The following MANBA variants were observed in gnomAD, a reference collection of about 807,000 sequenced individuals.
The protein encoded by MANBA is beta-mannosidase.
A neutral mutation model predicts 111.1 loss-of-function variants in MANBA; 83 were observed. That is an observed-to-expected ratio of 0.75 (90% CI 0.63 to 0.90). The LOEUF (loss-of-function observed/expected upper bound fraction) is 0.90, where lower values mean the gene tolerates loss of function less well. MANBA is among the 40% of genes least tolerant of loss of function. The pLI, the probability that MANBA is intolerant of heterozygous loss-of-function variation, is 0.00. For missense variants in MANBA, 1,036 were observed against 1,069.0 expected (o/e 0.97, Z 0.43); for synonymous variants, 370 against 378.7 (o/e 0.98, Z 0.27).
intron 7 of MANBA, among the ~76,000 whole-genome samples, chr4:102,680,577 A>AG (rs1453272428): frequency 6.7e-6 from 1 of 150,374 alleles, no homozygotes. Flanking sequence ...ATTTGTCCAA[A>AG]GTTCTAAAAA....
chr4:102,748,447 A>C lies in MANBA; in HGVS notation c.177+12271T>G, dbSNP rs186387001. ...ATATAAAACTATATATATATATAGA[A>C]TGCAATCATCTGTGGGGGGAAAATA... On this transcript the variant is annotated intron_variant, in intron 1 of 16. Transcript: ENST00000647097. Among the ~76,000 whole-genome samples the C allele has an allele frequency of 2.8e-3, 424 of 152,194 alleles. 3 individuals carry two copies. Among genetic ancestry groups the C allele is most frequent in the African/African-American group, 9.9e-3 (411 of 41,530 alleles).
rs532395003 is a variant in MANBA at position 102,754,494 on chromosome 4, T to C, written c.177+6224A>G. The stretch of plus-strand genomic sequence containing the variant: ...TAAACATGGTTTATAGAAACCTGTT[T>C]AATGCAGGTAAGAGCATCACAATAC... On this transcript the variant is annotated intron_variant, in intron 1 of 16. Coordinates refer to ENST00000647097, the MANE Select transcript of MANBA (RefSeq NM_005908.4). Among the ~76,000 whole-genome samples the C allele has an allele frequency of 2.6e-5, 4 of 152,318 alleles. No homozygotes were observed. In the South Asian group the frequency reaches 8.3e-4, roughly 32 times the overall value.
At chr4:102,692,083 T>A (rs1732501966) in intron 5 of MANBA, among the ~76,000 whole-genome samples, 1 of 151,930 alleles carries the variant, frequency 6.6e-6, no homozygotes, top group Non-Finnish European at 1.5e-5. Flanking sequence ...CAATGCGGAG[T>A]CATTGAAGAT....
At chr4:102,707,811 G>C (rs1342245601) in intron 5 of MANBA, among the ~76,000 whole-genome samples, 1 of 151,756 alleles carries the variant, frequency 6.6e-6, no homozygotes, top group Non-Finnish European at 1.5e-5. Flanking sequence ...GTAAAGGAAT[G>C]GAAAAATATA....
chr4:102,684,704 G>C (rs555625074), intron 7 of MANBA, among the ~76,000 whole-genome samples: 4 of 152,000 alleles, frequency 2.6e-5, no homozygotes, highest in Non-Finnish European at 4.4e-5. Context: ...AGATAGTACC[G>C]AACCCCATAT....
rs759084735 is a variant in MANBA, at chr4:102,631,923, C to A, written c.*134G>T. The A allele has an allele frequency of 2.2e-5, 17 of 782,942 alleles. No individual in the cohort carries two copies. The highest frequency in any genetic ancestry group is 3.5e-5 in the Non-Finnish European group (16 of 456,742). 48.5% of individuals were successfully genotyped at this position (782,942 alleles called of 1,614,324 possible). ...GTTCAGTGTACAACTCTTCACAGAG[C>A]AATCGCTCAAATGCGTGGCAGCACG... On this transcript the variant is annotated 3_prime_UTR_variant, in exon 17 of 17. Coordinates refer to ENST00000647097, the MANE Select transcript of MANBA (RefSeq NM_005908.4).
chr4:102,738,971 TC>T (rs958434620), intron 1 of MANBA, among the ~76,000 whole-genome samples: 1 of 151,976 alleles, frequency 6.6e-6, no homozygotes, highest in African/African-American at 2.4e-5. Context: ...CTGGAAAGTT[TC>T]AACAATAGAA....
At chr4:102,747,392 G>A (rs1723629187) in intron 1 of MANBA, among the ~76,000 whole-genome samples, 1 of 152,118 alleles carries the variant, frequency 6.6e-6, no homozygotes, top group African/African-American at 2.4e-5. Flanking sequence ...TTTTTATTCT[G>A]GCTTTGCTGG....
chr4:102,664,503 C>A (rs973713729), intron 11 of MANBA, among the ~76,000 whole-genome samples, 182 bp downstream of exon 11: 1 of 152,130 alleles, frequency 6.6e-6, no homozygotes. Flanking sequence ...CGCCCGCCAC[C>A]GCGCCCAGCT....
At chr4:102,720,252 T>C (rs957616709) in intron 4 of MANBA, among the ~76,000 whole-genome samples, 2 of 151,980 alleles carry the variant, frequency 1.3e-5, no homozygotes, top group Admixed American at 6.6e-5. Context: ...CTGGCCAACA[T>C]GGTGAAACCC....
At chr4:102,752,476 A>G (rs1313946051) in intron 1 of MANBA, 7 of 758,718 alleles carry the variant, frequency 9.2e-6, no homozygotes, top group South Asian at 6.7e-5. Context: ...TTTAGATAAC[A>G]TTGTCAAGTT....
chr4:102,690,767 C>T lies in MANBA; in HGVS notation c.678G>A (p.Lys226=). ...NYFTFSPIYD[K]SAQEWNLEIE... ...TTTCCAGATTCCACTCCTGGGCACT[C>T]TTATCTAAAATATAAAAAGAAAAAG... Residue 226 remains lysine (K), a synonymous_variant, in exon 6 of 17, where the codon AAG becomes AAA. Transcript: ENST00000647097. 1 of 1,460,536 alleles carries T rather than the reference C, an allele frequency of 6.8e-7. No homozygotes were observed. Among genetic ancestry groups the T allele is most frequent in the African/African-American group, 1.4e-5 (1 of 71,124 alleles). The allele number at this position is 1,460,536 out of a possible 1,614,324, so 90.5% of individuals were successfully genotyped here.
At chr4:102,694,001 C>T (rs541543963) in intron 5 of MANBA, among the ~76,000 whole-genome samples, 1 of 152,310 alleles carries the variant, frequency 6.6e-6, no homozygotes, top group African/African-American at 2.4e-5. Flanking sequence ...ACGAAGCAGG[C>T]TCCTGTGTTG....
At chr4:102,639,887 G>T in intron 13 of MANBA, 30 bp from the exon 14 acceptor site, 1 of 1,613,000 alleles carries the variant, frequency 6.2e-7, no homozygotes, top group Middle Eastern at 1.7e-4. Flanking sequence ...ATACACAGGT[G>T]TTATTGTTTG....
chr4:102,654,013 C>T (rs1487879132), intron 12 of MANBA, among the ~76,000 whole-genome samples: 1 of 152,200 alleles, frequency 6.6e-6, no homozygotes. Flanking sequence ...ACCCACTCCA[C>T]TTTGCCTGAG....
chr4:102,722,959 T>A lies in MANBA; in HGVS notation c.461A>T (p.Gln154Leu). 6.2e-7 allele frequency: 1 copy of A among 1,614,130 alleles called. No homozygotes were observed. Among genetic ancestry groups the A allele is most frequent in the Non-Finnish European group, 8.5e-7 (1 of 1,179,940 alleles). Residue 154 changes from glutamine to leucine, a missense_variant, in exon 4 of 17, where the codon CAG becomes CTG. By Grantham distance (113) the Gln-to-Leu change is moderately radical. Coordinates refer to ENST00000647097, the MANE Select transcript of MANBA (RefSeq NM_005908.4). ...CTGGTAGCGAGTGTGAGCTTTGCTC[T>A]GCTGTGCTGCATACAACACCGCTGA... is the stretch of plus-strand genomic sequence containing the variant. ...FQSAVLYAAQ[Q>L]SKAHTRYQVP... is the part of the protein sequence containing the mutation.
intron 1 of MANBA, among the ~76,000 whole-genome samples, chr4:102,749,179 T>A (rs530201332): frequency 1.3e-5 from 2 of 152,078 alleles, no homozygotes; most frequent in African/African-American, 4.8e-5. Context: ...TTATTATAAA[T>A]AGGTAAAATA....
intron 8 of MANBA, among the ~76,000 whole-genome samples, chr4:102,672,700 T>C (rs1185616899): frequency 1.3e-5 from 2 of 152,150 alleles, no homozygotes; most frequent in Admixed American, 6.5e-5. Flanking sequence ...TGACCTCCTA[T>C]CAGATCAGCG....
intron 1 of MANBA, among the ~76,000 whole-genome samples, chr4:102,759,091 C>T (rs1328578523): frequency 2.0e-5 from 3 of 151,494 alleles, no homozygotes; most frequent in African/African-American, 7.3e-5. Flanking sequence ...AATAATCTGA[C>T]TTACTGAAGC....
Sources: allele counts gnomAD v4.1 joint callset (sites outside exome capture counted in the v4.1 genomes callset), GRCh38; gene constraint gnomAD v4.1.1; transcripts MANE v1.5; gene names NCBI Gene and HGNC (gene_info 2026-07-23, HGNC 2026-07-21).